The following MID1 variants were observed in gnomAD, a reference collection of about 807,000 sequenced individuals.
MID1 encodes E3 ubiquitin-protein ligase Midline-1.
Under a neutral mutation model 40.4 loss-of-function variants are expected in MID1, and 7 were observed. That is an observed-to-expected ratio of 0.17 (90% CI 0.10 to 0.33). The LOEUF (loss-of-function observed/expected upper bound fraction) is 0.33. MID1 is among the 10% of genes least tolerant of loss of function. The pLI is 1.00. For missense variants in MID1, 367 were observed against 558.5 expected, an observed-to-expected ratio of 0.66 and a Z score of 3.46; for synonymous variants, 229 against 221.2, an observed-to-expected ratio of 1.04 and a Z score of -0.31.
chrX:10,465,214 TACACAC>T (rs775197915), intron 7 of MID1, among the ~76,000 whole-genome samples: 616 of 39,839 alleles, frequency 0.015, 23 homozygotes, highest in African/African-American at 0.061. Flanking sequence ...TATATATATA[TACACAC>T]ACACACACAC....
chrX:10,703,882 T>A (rs1447111267), intron 1 of MID1, among the ~76,000 whole-genome samples: 1 of 112,061 alleles, frequency 8.9e-6, no homozygotes, highest in African/African-American at 3.2e-5. Context: ...TCAAAATAGT[T>A]CCTTTTTCTT....
rs142523158 is a variant in MID1, at chrX:10,526,705, T to C, written c.661-3518A>G. The stretch of plus-strand genomic sequence containing the variant: ...ATACATCATGCATCAAATCTGTTTT[T>C]AATCAACTAATACATAGACTAAAGC... On this transcript the variant is annotated intron_variant, in intron 2 of 9. Coordinates refer to ENST00000317552, the MANE Select transcript of MID1 (RefSeq NM_000381.4). Among the ~76,000 whole-genome samples, 306 of 112,078 alleles carry C rather than the reference T, an allele frequency of 2.7e-3. 1 individual carries two copies. Among genetic ancestry groups the C allele is most frequent in the African/African-American group, 9.3e-3 (287 of 30,918 alleles).
intron 1 of MID1, among the ~76,000 whole-genome samples, chrX:10,740,992 T>C (rs1033066389): frequency 8.9e-6 from 1 of 111,933 alleles, no homozygotes; most frequent in African/African-American, 3.2e-5. Flanking sequence ...AAATCAAGTG[T>C]GACATGTGGA....
chrX:10,742,539 T>C (rs776091142), intron 1 of MID1, among the ~76,000 whole-genome samples: 1 of 112,642 alleles, frequency 8.9e-6, no homozygotes, highest in African/African-American at 3.2e-5. Context: ...TTTTCTTTGT[T>C]AGTATCTTAA....
chrX:10,591,349 A>G (rs1165400841), intron 1 of MID1, among the ~76,000 whole-genome samples: 2 of 112,593 alleles, frequency 1.8e-5, no homozygotes, highest in African/African-American at 3.2e-5. Context: ...ATATAAGTCA[A>G]CAGGGTCTCT....
Position 10,474,657 on chromosome X carries a change from C to T in MID1, c.1107G>A (p.Glu369=). 1 of 1,209,630 alleles carries T rather than the reference C, an allele frequency of 8.3e-7. No individual in the cohort carries two copies. Reference sequence around the variant, plus strand: ...AATCCAGACATTCTAGCAGTTTCTTCTCTCGGGAAAAATCTAAGGCAAAGG... The same window carrying T: ...AATCCAGACATTCTAGCAGTTTCTTTTCTCGGGAAAAATCTAAGGCAAAGG... ...FDTFALDFSR[E]KKLLECLDYL... Residue 369 remains glutamate, a synonymous_variant, in exon 6 of 10, where the codon GAG becomes GAA. Coordinates refer to ENST00000317552, the MANE Select transcript of MID1 (RefSeq NM_000381.4).
At chrX:10,792,679 G>A (rs1018704554) in intron 1 of MID1, among the ~76,000 whole-genome samples, 3 of 112,010 alleles carry the variant, frequency 2.7e-5, no homozygotes, top group Non-Finnish European at 5.6e-5. Context: ...GAAATGTCCA[G>A]AAGAGGCAAA....
intron 1 of MID1, among the ~76,000 whole-genome samples, chrX:10,704,729 T>C (rs1329181868): frequency 2.3e-4 from 19 of 83,421 alleles, no homozygotes; most frequent in African/African-American, 9.8e-4. Context: ...TATATATATA[T>C]ATATATATAT....
chrX:10,566,380 C>G (rs1293712887), intron 2 of MID1, among the ~76,000 whole-genome samples: 2 of 111,304 alleles, frequency 1.8e-5, no homozygotes, highest in Non-Finnish European at 3.8e-5. Context: ...ATTCTTCCCT[C>G]TATTCTTTTG....
chrX:10,521,543 G>C (rs1203031064), intron 3 of MID1, among the ~76,000 whole-genome samples: 1 of 111,394 alleles, frequency 9.0e-6, no homozygotes, highest in Non-Finnish European at 1.9e-5. Flanking sequence ...AAAGTGTAAT[G>C]AATGATAATT....
chrX:10,638,130 A>G (rs1475562365), intron 1 of MID1, among the ~76,000 whole-genome samples: 1 of 111,816 alleles, frequency 8.9e-6, no homozygotes, highest in African/African-American at 3.3e-5. Flanking sequence ...AGCTCCCAGC[A>G]TATTCCAACT....
intron 5 of MID1, among the ~76,000 whole-genome samples, chrX:10,475,944 C>G (rs1354610134): frequency 2.7e-5 from 3 of 111,352 alleles, no homozygotes; most frequent in Admixed American, 9.6e-5. Flanking sequence ...CTTAATGGCT[C>G]TTAAAGCTTT....
intron 1 of MID1, among the ~76,000 whole-genome samples, chrX:10,628,206 G>C (rs1936015255): frequency 9.1e-6 from 1 of 109,911 alleles, no homozygotes; most frequent in African/African-American, 3.3e-5. Context: ...CACATACTGA[G>C]ATAGGCTTTC....
At position 10,683,770 on chromosome X, in the gene MID1, C is replaced by CTTTTTTTT. The variant is rs34917176; in HGVS notation, c.-186-63359_-186-63352dup. Among the ~76,000 whole-genome samples the CTTTTTTTT allele has an allele frequency of 3.1e-3, 139 of 45,090 alleles. 22 individuals are homozygous for CTTTTTTTT. The highest frequency in any genetic ancestry group is 0.011 in the African/African-American group (102 of 9,252). 39.2% of individuals were successfully genotyped at this position (45,090 alleles called of 115,157 possible). A position where few individuals can be genotyped will look rare whatever the true frequency, so the allele number is the denominator to read the frequency against. On this transcript the variant is annotated intron_variant, in intron 1 of 10. Coordinates refer to the MID1 transcript ENST00000380785. ...CTGCACAGAAGGAATTGCACGTCAT[C>CTTTTTTTT]TTTTTTTTTTTTTTTTTTTTTTTTT...
At chrX:10,718,108 T>C (rs1426433347) in intron 1 of MID1, among the ~76,000 whole-genome samples, 4 of 111,528 alleles carry the variant, frequency 3.6e-5, no homozygotes, top group Middle Eastern at 4.6e-3. Flanking sequence ...AGATCTAAAA[T>C]TGACACCCTA....
chrX:10,773,306 T>C (rs2043781923), intron 1 of MID1, among the ~76,000 whole-genome samples: 1 of 112,235 alleles, frequency 8.9e-6, no homozygotes, highest in East Asian at 2.8e-4. Context: ...GTATTGCCTT[T>C]GATGAATTAA....
intron 1 of MID1, among the ~76,000 whole-genome samples, chrX:10,609,832 C>T (rs1317789891): frequency 9.2e-6 from 1 of 108,626 alleles, no homozygotes; most frequent in African/African-American, 3.4e-5. Flanking sequence ...ATTCTCCTGC[C>T]TCAGCCTCTA....
At chrX:10,506,340 A>C in intron 3 of MID1, 1 of 1,089,978 alleles carries the variant, frequency 9.2e-7, no homozygotes. Context: ...GGATGGTCAA[A>C]TTGTTGCCAG....
At chrX:10,514,828 T>G (rs1400221766) in intron 3 of MID1, among the ~76,000 whole-genome samples, 3 of 111,643 alleles carry the variant, frequency 2.7e-5, no homozygotes, top group Non-Finnish European at 5.6e-5. Flanking sequence ...ATCATAATTC[T>G]AGAGCCTATT....
Sources: gnomAD v4.1 joint callset for allele counts (sites outside exome capture counted in the v4.1 genomes callset) on GRCh38, gnomAD v4.1.1 for gene constraint, MANE v1.5 for transcripts, NCBI Gene and HGNC (gene_info 2026-07-23, HGNC 2026-07-21) for gene names.